The following PDSS2 variants were observed in gnomAD, a reference collection of about 807,000 sequenced individuals.
PDSS2 encodes decaprenyl diphosphate synthase subunit 2, also known as all trans-polyprenyl-diphosphate synthase PDSS2.
Under a neutral mutation model 44.5 loss-of-function variants are expected in PDSS2, and 31 were observed. The observed-to-expected ratio is 0.70, with a 90% confidence interval of 0.52 to 0.94. The LOEUF (loss-of-function observed/expected upper bound fraction) is 0.94. Ranked by LOEUF, PDSS2 falls within the 40% of genes least tolerant of loss-of-function variation. PDSS2 has a pLI of 0.00. For missense variants in PDSS2, 452 were observed against 482.2 expected, an observed-to-expected ratio of 0.94 and a Z score of 0.59; for synonymous variants, 157 against 180.3, an observed-to-expected ratio of 0.87 and a Z score of 1.03.
At chr6:107,216,129 C>T (rs1315799209) in intron 4 of PDSS2, among the ~76,000 whole-genome samples, 1 of 146,334 alleles carries the variant, frequency 6.8e-6, no homozygotes, top group African/African-American at 2.5e-5. Flanking sequence ...AAAGGGAGAC[C>T]CTGTCCAAAA....
chr6:107,183,103 T>C (rs1772040781), intron 7 of PDSS2, among the ~76,000 whole-genome samples: 3 of 151,960 alleles, frequency 2.0e-5, no homozygotes, highest in Non-Finnish European at 4.4e-5. Context: ...TCTCTGCTAC[T>C]TGCAAAGCTG....
At chr6:107,259,878 G>A (rs756120857) in intron 3 of PDSS2, among the ~76,000 whole-genome samples, 1 of 152,028 alleles carries the variant, frequency 6.6e-6, no homozygotes, top group Non-Finnish European at 1.5e-5. Context: ...AGCTAAAACT[G>A]TTATTAGTAA....
intron 2 of PDSS2, among the ~76,000 whole-genome samples, chr6:107,299,860 C>T (rs905850387): frequency 1.3e-5 from 2 of 152,166 alleles, no homozygotes; most frequent in African/African-American, 4.8e-5. Flanking sequence ...TTACTTCACC[C>T]ATACCAGTAT....
intron 2 of PDSS2, among the ~76,000 whole-genome samples, chr6:107,282,595 G>A (rs958356881): frequency 8.6e-5 from 13 of 151,578 alleles, no homozygotes; most frequent in East Asian, 3.9e-4. Flanking sequence ...GCCGGGCTCC[G>A]TGGTTCATGC....
chr6:107,450,213 T>C (rs1781822876), intron 1 of PDSS2, among the ~76,000 whole-genome samples: 1 of 152,260 alleles, frequency 6.6e-6, no homozygotes, highest in Non-Finnish European at 1.5e-5. Flanking sequence ...TTCGTTGTTA[T>C]GTATGGACCA....
chr6:107,285,012 T>C (rs1321225310), intron 2 of PDSS2, among the ~76,000 whole-genome samples: 1 of 152,208 alleles, frequency 6.6e-6, no homozygotes, highest in Non-Finnish European at 1.5e-5. Flanking sequence ...CTTGCCCAAG[T>C]TCACACAGCT....
At chr6:107,420,105 T>TG (rs1397021156) in intron 1 of PDSS2, among the ~76,000 whole-genome samples, 1 of 152,202 alleles carries the variant, frequency 6.6e-6, no homozygotes, top group African/African-American at 2.4e-5. Flanking sequence ...CCATCCTAAA[T>TG]GCTCTATTGA....
intron 1 of PDSS2, among the ~76,000 whole-genome samples, chr6:107,336,601 G>A (rs1777900118): frequency 6.6e-6 from 1 of 152,138 alleles, no homozygotes; most frequent in South Asian, 2.1e-4. Context: ...CTATGAACCT[G>A]AATTTTACGG....
chr6:107,269,003 G>A (rs1193419970), intron 3 of PDSS2, among the ~76,000 whole-genome samples: 3 of 150,808 alleles, frequency 2.0e-5, no homozygotes, highest in Non-Finnish European at 2.9e-5. Flanking sequence ...GCAGTGGTGC[G>A]ATCTCGGCTC....
intron 1 of PDSS2, among the ~76,000 whole-genome samples, chr6:107,456,915 A>G (rs996562573): frequency 1.3e-5 from 2 of 152,206 alleles, no homozygotes; most frequent in African/African-American, 4.8e-5. Flanking sequence ...TGAGGAGTAC[A>G]CATTTAGCTT....
intron 4 of PDSS2, among the ~76,000 whole-genome samples, chr6:107,223,150 C>T (rs930120061): frequency 1.3e-5 from 2 of 150,470 alleles, no homozygotes; most frequent in Admixed American, 6.6e-5. Context: ...AGGATGGTCT[C>T]GAACTCCTGA....
At chr6:107,342,967 G>A (rs541186381) in intron 1 of PDSS2, among the ~76,000 whole-genome samples, 191 of 152,188 alleles carry the variant, frequency 1.3e-3, no homozygotes, top group Non-Finnish European at 1.3e-3. Flanking sequence ...TGAGTGGTAC[G>A]ATTTTATTTT....
chr6:107,347,061 A>G (rs1778268608), intron 1 of PDSS2, among the ~76,000 whole-genome samples: 2 of 152,144 alleles, frequency 1.3e-5, no homozygotes, highest in Admixed American at 1.3e-4. Flanking sequence ...AGTGCTGTCC[A>G]GGTTAAAACA....
chr6:107,381,530 T>C (rs1458475728), intron 1 of PDSS2, among the ~76,000 whole-genome samples: 1 of 152,212 alleles, frequency 6.6e-6, no homozygotes, highest in Non-Finnish European at 1.5e-5. Context: ...TTAGGTGTTG[T>C]TTAAACAAGA....
intron 1 of PDSS2, among the ~76,000 whole-genome samples, chr6:107,376,242 T>A (rs544252212): frequency 6.6e-6 from 1 of 151,960 alleles, no homozygotes; most frequent in African/African-American, 2.4e-5. Flanking sequence ...CTTGGCGATG[T>A]GGGCTCTTTT....
chr6:107,261,552 C>G (rs1169056456), intron 3 of PDSS2, among the ~76,000 whole-genome samples: 1 of 151,670 alleles, frequency 6.6e-6, no homozygotes, highest in Non-Finnish European at 1.5e-5. Flanking sequence ...TACAAAATTA[C>G]CCAGTCTCAG....
chr6:107,210,413 C>T (rs1444208056), intron 6 of PDSS2, 26 bp downstream of exon 6: 1 of 1,558,966 alleles, frequency 6.4e-7, no homozygotes, highest in South Asian at 1.1e-5. Context: ...CTACTGGTAC[C>T]TAAAACAGGA....
intron 7 of PDSS2, among the ~76,000 whole-genome samples, chr6:107,155,566 T>C (rs1225535981): frequency 2.6e-5 from 4 of 151,728 alleles, no homozygotes; most frequent in Non-Finnish European, 4.4e-5. Context: ...CACATAGTAT[T>C]AGATCTGAAT....
At chr6:107,172,858 G>GGA (rs1771632034) in intron 7 of PDSS2, among the ~76,000 whole-genome samples, 1 of 151,642 alleles carries the variant, frequency 6.6e-6, no homozygotes, top group African/African-American at 2.4e-5. Context: ...GGGCACGGCA[G>GGA]CTCACGCTTG....
Sources: allele counts gnomAD v4.1 joint callset (sites outside exome capture counted in the v4.1 genomes callset), GRCh38; gene constraint gnomAD v4.1.1; transcripts MANE v1.5; gene names NCBI Gene and HGNC (gene_info 2026-07-23, HGNC 2026-07-21).